Variants in ZNF516 observed in about 807,000 individuals in gnomAD.
ZNF516 encodes the protein zinc finger protein 516.
A neutral mutation model predicts 79.7 loss-of-function variants in ZNF516; 19 were observed. The ratio of observed to expected loss-of-function variants is 0.24; its 90% CI spans 0.17 to 0.35. The LOEUF (loss-of-function observed/expected upper bound fraction) is 0.35, where lower values mean the gene tolerates loss of function less well. ZNF516 is among the 10% of genes least tolerant of loss of function. ZNF516 has a pLI of 1.00. For missense variants in ZNF516, 1,678 were observed against 1,679.5 expected (o/e 1.00, Z 0.02); for synonymous variants, 877 against 739.5 (o/e 1.19, Z -3.02).
At chr18:76,400,997 C>T (rs549946313) in intron 3 of ZNF516, among the ~76,000 whole-genome samples, 1 of 152,160 alleles carries the variant, frequency 6.6e-6, no homozygotes, top group Non-Finnish European at 1.5e-5. Context: ...ATTTCTCCTT[C>T]AGACTTCATT....
intron 1 of ZNF516, among the ~76,000 whole-genome samples, chr18:76,480,811 C>T (rs551902028): frequency 7.2e-4 from 109 of 152,190 alleles, no homozygotes; most frequent in Middle Eastern, 3.4e-3. Flanking sequence ...TGTGGGCCAC[C>T]GCACCCGGCT....
chr18:76,465,582 G>C (rs773082348), intron 1 of ZNF516, among the ~76,000 whole-genome samples: 11 of 152,184 alleles, frequency 7.2e-5, no homozygotes, highest in Non-Finnish European at 1.3e-4. Flanking sequence ...GGCAGGGCTG[G>C]AAAGAGGCGA....
At chr18:76,476,247 A>G (rs1260221715) in intron 1 of ZNF516, among the ~76,000 whole-genome samples, 1 of 152,222 alleles carries the variant, frequency 6.6e-6, no homozygotes, top group Non-Finnish European at 1.5e-5. Flanking sequence ...CTCCTTTTAT[A>G]GTATGAAAAG....
At chr18:76,495,890 T>TC (rs1310835316), upstream of ZNF516, 2 of 443,992 alleles carry the variant, frequency 4.5e-6, no homozygotes. Flanking sequence ...AAGTCCTGAA[T>TC]CAAGGGTCAC....
At chr18:76,399,141 C>T (rs1445417229) in intron 3 of ZNF516, among the ~76,000 whole-genome samples, 1 of 152,220 alleles carries the variant, frequency 6.6e-6, no homozygotes, top group Non-Finnish European at 1.5e-5. Context: ...GGTGCTGGTG[C>T]TACGCGTGTG....
intron 4 of ZNF516, among the ~76,000 whole-genome samples, chr18:76,375,354 A>G (rs934298731): frequency 5.3e-5 from 8 of 151,878 alleles, no homozygotes; most frequent in Admixed American, 2.0e-4. Flanking sequence ...GGATGGACAC[A>G]GAAGGCCCCA....
intron 1 of ZNF516, among the ~76,000 whole-genome samples, chr18:76,485,921 A>ATAG (rs1568331562): frequency 2.4e-4 from 36 of 151,466 alleles, no homozygotes; most frequent in African/African-American, 6.5e-4. Context: ...GACAAAAATA[A>ATAG]TAATAATAAT....
chr18:76,396,887 G>A (rs914187395), intron 3 of ZNF516, among the ~76,000 whole-genome samples: 12 of 152,172 alleles, frequency 7.9e-5, no homozygotes, highest in Admixed American at 3.3e-4. Context: ...TAATATCCAC[G>A]GGGGCTTTTC....
Position 76,360,343 on chromosome 18 carries a change from G to A in ZNF516, c.*2155C>T, listed in dbSNP as rs2074512264. ...AAACAGGACTGGGTCACTAGTCCCT[G>A]ACATTCCTAACAGTCACCATTCACT... On this transcript the variant is annotated 3_prime_UTR_variant, in exon 7 of 7. Coordinates refer to ENST00000443185, the MANE Select transcript of ZNF516 (RefSeq NM_014643.4). 3 of 152,068 alleles carry A rather than the reference G, an allele frequency of 2.0e-5. No individual in the cohort carries two copies. The highest frequency in any genetic ancestry group is 1.3e-4 in the Admixed American group (2 of 15,268). The allele number at this position is 152,068 out of a possible 1,614,324, so 9.4% of individuals were successfully genotyped here.
chr18:76,397,020 G>C (rs149134154), intron 3 of ZNF516, among the ~76,000 whole-genome samples: 1 of 152,314 alleles, frequency 6.6e-6, no homozygotes, highest in African/African-American at 2.4e-5. Context: ...AACCCAGACA[G>C]ACTCAGTGCT....
intron 4 of ZNF516, among the ~76,000 whole-genome samples, chr18:76,377,163 G>A (rs376618751): frequency 5.3e-5 from 8 of 152,326 alleles, no homozygotes; most frequent in African/African-American, 9.6e-5. Flanking sequence ...TCCCACCCAC[G>A]ACAGCCTCCT....
chr18:76,466,743 G>A (rs1005858199), intron 1 of ZNF516, among the ~76,000 whole-genome samples: 2 of 152,228 alleles, frequency 1.3e-5, no homozygotes, highest in Admixed American at 6.5e-5. Flanking sequence ...GGCTGGAAAA[G>A]TAGAGAAGGG....
At chr18:76,473,902 G>GTGTGTTT (rs1292520973) in intron 1 of ZNF516, among the ~76,000 whole-genome samples, 1 of 73,562 alleles carries the variant, frequency 1.4e-5, no homozygotes, top group South Asian at 7.2e-4. Flanking sequence ...TTGTTTTTGT[G>GTGTGTTT]TGGGGGGGGG....
At chr18:76,474,065 G>C (rs1453274674) in intron 1 of ZNF516, among the ~76,000 whole-genome samples, 1 of 152,036 alleles carries the variant, frequency 6.6e-6, no homozygotes, top group Non-Finnish European at 1.5e-5. Context: ...ACACTTTTAA[G>C]TCAAATAACA....
At chr18:76,370,489 G>T in intron 6 of ZNF516, 39 bp downstream of exon 6, 1 of 1,555,356 alleles carries the variant, frequency 6.4e-7, no homozygotes, top group East Asian at 2.3e-5. Context: ...CCCAGCTACC[G>T]CATCGAAACC....
intron 1 of ZNF516, among the ~76,000 whole-genome samples, chr18:76,481,193 C>T (rs1599157246): frequency 6.6e-6 from 1 of 152,224 alleles, no homozygotes; most frequent in East Asian, 1.9e-4. Context: ...ACTGGGATGG[C>T]TACAGCTGAC....
intron 2 of ZNF516, among the ~76,000 whole-genome samples, chr18:76,453,375 G>T (rs772492431): frequency 2.0e-5 from 3 of 152,054 alleles, no homozygotes; most frequent in Non-Finnish European, 4.4e-5. Context: ...GTCACTGAGG[G>T]GCCGCTCTCC....
intron 3 of ZNF516, among the ~76,000 whole-genome samples, chr18:76,406,550 C>A (rs536290022): frequency 2.0e-5 from 3 of 152,148 alleles, no homozygotes; most frequent in East Asian, 1.9e-4. Flanking sequence ...GGTGACAGAG[C>A]GAGACTCTGT....
rs374622201 is a variant in ZNF516, at chr18:76,442,372, C to T, written c.683G>A (p.Gly228Glu). ...HIERDHITAQ[G>E]PGSGEACVEN... ...CACGCAGGCCTCGCCGCTGCCGGGC[C>T]CCTGCGCGGTGATGTGGTCCCTCTC... Residue 228 changes from glycine to glutamate, a missense_variant, in exon 3 of 7, where the codon GGG (glycine) becomes GAG (glutamate). By Grantham distance (98) the Gly-to-Glu change is moderately conservative. Transcript: ENST00000443185. 9.9e-6 allele frequency: 16 copies of T among 1,609,234 alleles called. No individual in the cohort carries two copies. In the African/African-American group the frequency reaches 1.7e-4, roughly 17 times the overall value.
Sources: gnomAD v4.1 joint callset for allele counts (sites outside exome capture counted in the v4.1 genomes callset) on GRCh38, gnomAD v4.1.1 for gene constraint, MANE v1.5 for transcripts, NCBI Gene and HGNC (gene_info 2026-07-23, HGNC 2026-07-21) for gene names.